Variants in CUL1 observed in about 807,000 individuals in gnomAD.
CUL1 encodes cullin-1.
Under a neutral mutation model 118.0 loss-of-function variants are expected in CUL1, and 24 were observed. The ratio of observed to expected loss-of-function variants is 0.20; its 90% confidence interval spans 0.15 to 0.29. The LOEUF is 0.29. Among genes scored for constraint, CUL1 ranks in the 10% least tolerant of loss-of-function variants. The pLI is 1.00. For missense variants in CUL1, 361 were observed against 933.8 expected (o/e 0.39, Z 7.99); for synonymous variants, 332 against 340.4 (o/e 0.98, Z 0.27).
chr7:148,793,719 AT>A (rs2129463456), intron 17 of CUL1, among the ~76,000 whole-genome samples: 1 of 152,344 alleles, frequency 6.6e-6, no homozygotes, highest in East Asian at 1.9e-4. Context: ...GTTTCCAATT[AT>A]GAACAATGCT....
At chr7:148,724,957 A>T (rs1798513225) in intron 1 of CUL1, among the ~76,000 whole-genome samples, 2 of 152,210 alleles carry the variant, frequency 1.3e-5, no homozygotes, top group Admixed American at 1.3e-4. Flanking sequence ...CCTAAAAACC[A>T]TTTGAACCTC....
At chr7:148,768,738 T>G (rs1454952910) in intron 9 of CUL1, among the ~76,000 whole-genome samples, 1 of 152,132 alleles carries the variant, frequency 6.6e-6, no homozygotes, top group Non-Finnish European at 1.5e-5. Context: ...GCAGAAAGCT[T>G]CTCTTGTTTT....
intron 2 of CUL1, among the ~76,000 whole-genome samples, chr7:148,731,218 T>C (rs898467067): frequency 7.9e-5 from 12 of 152,188 alleles, no homozygotes; most frequent in Non-Finnish European, 7.4e-5. Context: ...CATACAAATA[T>C]GACATTGAAA....
chr7:148,725,219 G>GCGCACGCGCACACACACACACACA, intron 1 of CUL1, among the ~76,000 whole-genome samples: 25 of 140,148 alleles, frequency 1.8e-4, no homozygotes, highest in African/African-American at 5.9e-4. Flanking sequence ...ACACGCGCGC[G>GCGCACGCGCACACACACACACACA]CTCACACACA....
intron 19 of CUL1, 148 bp downstream of exon 19, chr7:148,798,167 CT>C: frequency 3.5e-6 from 2 of 565,620 alleles, no homozygotes; most frequent in East Asian, 2.9e-5. Flanking sequence ...TGAGGTAGGC[CT>C]TTGATTCCAT....
intron 9 of CUL1, among the ~76,000 whole-genome samples, chr7:148,771,586 C>G (rs1800214069): frequency 1.3e-5 from 2 of 152,180 alleles, no homozygotes; most frequent in African/African-American, 4.8e-5. Flanking sequence ...TTCTCTCCAG[C>G]CTTCAGAGAG....
At chr7:148,767,785 T>C (rs1279255143) in intron 9 of CUL1, 36 bp downstream of exon 9, 2 of 1,605,602 alleles carry the variant, frequency 1.2e-6, no homozygotes, top group East Asian at 2.2e-5. Flanking sequence ...GTCAGGCTGA[T>C]TATTTCCACA....
intron 1 of CUL1, among the ~76,000 whole-genome samples, chr7:148,714,335 G>GT (rs1490252619): frequency 5.3e-5 from 8 of 152,098 alleles, no homozygotes; most frequent in Admixed American, 2.0e-4. Flanking sequence ...ACTATAAGCA[G>GT]TTTTTTCTCT....
intron 2 of CUL1, among the ~76,000 whole-genome samples, chr7:148,734,797 A>G (rs1210223884): frequency 6.6e-6 from 1 of 152,008 alleles, no homozygotes; most frequent in Non-Finnish European, 1.5e-5. Context: ...CACCTGTTGG[A>G]GGTTTCTGTT....
At chr7:148,780,967 T>C (rs927334974) in intron 9 of CUL1, among the ~76,000 whole-genome samples, 7 of 151,990 alleles carry the variant, frequency 4.6e-5, no homozygotes, top group Non-Finnish European at 8.8e-5. Flanking sequence ...TGCTGACTAG[T>C]TCCTTAAAAT....
intron 9 of CUL1, among the ~76,000 whole-genome samples, chr7:148,782,916 C>A (rs556332211): frequency 6.6e-6 from 1 of 151,156 alleles, no homozygotes; most frequent in Admixed American, 6.6e-5. Flanking sequence ...CAGCCGGGCT[C>A]CCTCGCAGCC....
intron 9 of CUL1, among the ~76,000 whole-genome samples, chr7:148,782,859 CTG>C (rs1800686329): frequency 6.6e-6 from 1 of 152,114 alleles, no homozygotes; most frequent in Non-Finnish European, 1.5e-5. Context: ...GCGCCTGGAT[CTG>C]TGCTTGGCTG....
intron 21 of CUL1, 99 bp downstream of exon 21, chr7:148,799,487 A>T (rs1801317245): frequency 5.2e-6 from 4 of 773,308 alleles, no homozygotes; most frequent in Non-Finnish European, 8.5e-6. Flanking sequence ...AGGAGGAGGG[A>T]GCTGGCTTCT....
intron 9 of CUL1, among the ~76,000 whole-genome samples, chr7:148,780,006 A>G (rs947235356): frequency 1.3e-5 from 2 of 152,224 alleles, no homozygotes; most frequent in East Asian, 1.9e-4. Context: ...GTCAGACTCC[A>G]GGTTCTTCAG....
chr7:148,783,633 CA>C (rs1341239025), intron 9 of CUL1, 149 bp from the exon 10 acceptor site: 1 of 1,539,544 alleles, frequency 6.5e-7, no homozygotes, highest in Non-Finnish European at 8.7e-7. Context: ...ACGATGGTAC[CA>C]AAAGTATTTC....
At chr7:148,797,741 T>C in intron 17 of CUL1, 71 bp from the exon 18 acceptor site, 4 of 1,087,648 alleles carry the variant, frequency 3.7e-6, no homozygotes, top group Non-Finnish European at 5.5e-6. Context: ...GACTGTGAGG[T>C]TGCCTGTGGT....
At chr7:148,742,910 A>G (rs1282714621) in intron 2 of CUL1, among the ~76,000 whole-genome samples, 5 of 152,222 alleles carry the variant, frequency 3.3e-5, no homozygotes, top group South Asian at 4.1e-4. Context: ...AACTCTTTCT[A>G]CCTTTTCTGA....
chr7:148,719,082 C>T (rs556714709), intron 1 of CUL1, among the ~76,000 whole-genome samples: 34 of 152,174 alleles, frequency 2.2e-4, no homozygotes, highest in African/African-American at 5.5e-4. Context: ...GAGGCCGAGG[C>T]GGGCGGATCA....
At chr7:148,756,717 A>C (rs1466985680) in intron 3 of CUL1, among the ~76,000 whole-genome samples, 1 of 152,204 alleles carries the variant, frequency 6.6e-6, no homozygotes, top group Non-Finnish European at 1.5e-5. Context: ...CCGCATATCA[A>C]ATGTTCAGGG....
Sources: allele counts gnomAD v4.1 joint callset (sites outside exome capture counted in the v4.1 genomes callset), GRCh38; gene constraint gnomAD v4.1.1; transcripts MANE v1.5; gene names NCBI Gene and HGNC (gene_info 2026-07-23, HGNC 2026-07-21).